The following PHACTR1 variants were observed in gnomAD, a reference collection of about 807,000 sequenced individuals.
The protein encoded by PHACTR1 is RPEL repeat containing 1.
A neutral mutation model predicts 69.2 loss-of-function variants in PHACTR1; 16 were observed. The observed-to-expected ratio is 0.23, with a 90% CI of 0.16 to 0.35. PHACTR1 has a LOEUF of 0.35. PHACTR1 is among the 10% of genes least tolerant of loss of function. The probability of loss-of-function intolerance (pLI) is 1.00; values close to 1 mark genes in which losing one functional copy is unlikely to be tolerated. For missense variants in PHACTR1, 510 were observed against 734.7 expected, an observed-to-expected ratio of 0.69 and a Z score of 3.54; for synonymous variants, 312 against 284.5, an observed-to-expected ratio of 1.10 and a Z score of -0.97.
intron 5 of PHACTR1, among the ~76,000 whole-genome samples, chr6:13,105,238 G>T (rs1353916514): frequency 6.6e-6 from 1 of 152,128 alleles, no homozygotes; most frequent in African/African-American, 2.4e-5. Context: ...AATTAGCCGA[G>T]CATGGTGATG....
intron 7 of PHACTR1, among the ~76,000 whole-genome samples, chr6:13,191,536 T>C (rs1763600932): frequency 6.6e-6 from 1 of 152,144 alleles, no homozygotes; most frequent in African/African-American, 2.4e-5. Context: ...TTGCATGGTG[T>C]CAGCAGGCTC....
chr6:12,922,561 A>C (rs1354373843), intron 4 of PHACTR1, among the ~76,000 whole-genome samples: 1 of 152,216 alleles, frequency 6.6e-6, no homozygotes, highest in Non-Finnish European at 1.5e-5. Flanking sequence ...TAGAAGTCAC[A>C]TCCATAAACA....
chr6:12,868,701 A>G (rs1431685391), intron 4 of PHACTR1, among the ~76,000 whole-genome samples: 2 of 152,204 alleles, frequency 1.3e-5, no homozygotes, highest in Non-Finnish European at 2.9e-5. Context: ...AGCAAAAAGC[A>G]TATGTCCTGG....
intron 4 of PHACTR1, among the ~76,000 whole-genome samples, chr6:12,859,061 C>T (rs1379899283): frequency 2.0e-5 from 3 of 152,094 alleles, no homozygotes; most frequent in Non-Finnish European, 4.4e-5. Flanking sequence ...TGCCTTATTC[C>T]AAAACCTGTG....
At chr6:13,026,933 A>C (rs1313810486) in intron 4 of PHACTR1, among the ~76,000 whole-genome samples, 4 of 152,214 alleles carry the variant, frequency 2.6e-5, no homozygotes, top group Non-Finnish European at 5.9e-5. Flanking sequence ...AAAATAAAAA[A>C]TAAAAAAAAT....
intron 8 of PHACTR1, among the ~76,000 whole-genome samples, chr6:13,208,406 T>C (rs1272372054): frequency 6.6e-6 from 1 of 152,248 alleles, no homozygotes; most frequent in East Asian, 1.9e-4. Context: ...TTTTTACATT[T>C]GTATTATATT....
At chr6:12,985,268 G>A (rs1796002820) in intron 4 of PHACTR1, among the ~76,000 whole-genome samples, 1 of 107,250 alleles carries the variant, frequency 9.3e-6, no homozygotes. Flanking sequence ...TCGAACCATA[G>A]GAAAAATTAA....
At chr6:12,766,378 G>C (rs114895433) in intron 4 of PHACTR1, among the ~76,000 whole-genome samples, 2,564 of 152,300 alleles carry the variant, frequency 0.017, 34 homozygotes, top group Non-Finnish European at 0.028. Flanking sequence ...TGCAGGTGAG[G>C]AAATTGTGTC....
intron 5 of PHACTR1, among the ~76,000 whole-genome samples, chr6:13,057,955 A>G (rs944031401): frequency 6.6e-6 from 1 of 152,218 alleles, no homozygotes; most frequent in African/African-American, 2.4e-5. Context: ...CCTGCATCAC[A>G]GGATGGCAGG....
chr6:12,841,335 A>T (rs1778681910), intron 4 of PHACTR1, among the ~76,000 whole-genome samples: 1 of 152,160 alleles, frequency 6.6e-6, no homozygotes, highest in East Asian at 1.9e-4. Context: ...ACATCATTCT[A>T]CTTAAAGAGT....
At chr6:13,164,021 G>A (rs1226362118) in intron 6 of PHACTR1, among the ~76,000 whole-genome samples, 1 of 151,876 alleles carries the variant, frequency 6.6e-6, no homozygotes, top group Non-Finnish European at 1.5e-5. Context: ...ATTCAGAAGA[G>A]TGGACATCAC....
chr6:13,022,328 C>T (rs752573758), intron 4 of PHACTR1, among the ~76,000 whole-genome samples: 14 of 152,238 alleles, frequency 9.2e-5, no homozygotes, highest in Non-Finnish European at 1.5e-4. Flanking sequence ...AATGAATTTA[C>T]TTCCATTCTG....
At chr6:12,830,761 T>G (rs1048449403) in intron 4 of PHACTR1, among the ~76,000 whole-genome samples, 39 of 151,910 alleles carry the variant, frequency 2.6e-4, no homozygotes, top group Middle Eastern at 6.8e-3. Flanking sequence ...GCTCATTTTT[T>G]TTGTATTTTT....
At chr6:13,177,516 G>T (rs1436089541) in intron 6 of PHACTR1, among the ~76,000 whole-genome samples, 1 of 151,476 alleles carries the variant, frequency 6.6e-6, no homozygotes, top group Non-Finnish European at 1.5e-5. Flanking sequence ...TGTTACATAG[G>T]TACCCATGAG....
chr6:12,797,660 C>G (rs1054141377), intron 4 of PHACTR1, among the ~76,000 whole-genome samples: 4 of 152,116 alleles, frequency 2.6e-5, no homozygotes, highest in African/African-American at 9.7e-5. Flanking sequence ...TCTGGACTGC[C>G]TCACCCACCT....
intron 4 of PHACTR1, among the ~76,000 whole-genome samples, chr6:12,776,528 T>C (rs560948708): frequency 2.6e-5 from 4 of 152,310 alleles, no homozygotes; most frequent in African/African-American, 7.2e-5. Flanking sequence ...GCCATTGTCA[T>C]TGGGCAGATG....
At chr6:13,003,950 C>CATATATATAAATATATATATATAT (rs1562119669) in intron 4 of PHACTR1, among the ~76,000 whole-genome samples, 1 of 81,360 alleles carries the variant, frequency 1.2e-5, no homozygotes, top group African/African-American at 6.3e-5. Context: ...CAGTAGTATT[C>CATATATATAAATATATATATATAT]CTATATATAT....
intron 4 of PHACTR1, among the ~76,000 whole-genome samples, chr6:12,928,998 C>A (rs1384911026): frequency 6.6e-6 from 1 of 152,160 alleles, no homozygotes; most frequent in Admixed American, 6.5e-5. Flanking sequence ...CCAGGCAATT[C>A]CAATGTGCAG....
chr6:12,798,868 A>G (rs934722948), intron 4 of PHACTR1, among the ~76,000 whole-genome samples: 2 of 152,240 alleles, frequency 1.3e-5, no homozygotes, highest in Non-Finnish European at 2.9e-5. Context: ...GCCTGAATCT[A>G]TATAGTGGAA....
Sources: allele counts gnomAD v4.1 joint callset (sites outside exome capture counted in the v4.1 genomes callset), GRCh38; gene constraint gnomAD v4.1.1; transcripts MANE v1.5; gene names NCBI Gene and HGNC (gene_info 2026-07-23, HGNC 2026-07-21).